The following PCDHA1 variants were observed in gnomAD, a reference collection of about 807,000 sequenced individuals.
The protein encoded by PCDHA1 is protocadherin alpha 1.
A neutral mutation model predicts 61.3 loss-of-function variants in PCDHA1; 42 were observed. The ratio of observed to expected loss-of-function variants is 0.69; its 90% CI spans 0.54 to 0.89. The LOEUF is 0.89. PCDHA1 is among the 40% of genes least tolerant of loss of function. The probability of loss-of-function intolerance (pLI) is 0.00; values close to 1 mark genes in which losing one functional copy is unlikely to be tolerated. For missense variants in PCDHA1, 1,256 were observed against 1,235.3 expected, an observed-to-expected ratio of 1.02 and a Z score of -0.25; for synonymous variants, 610 against 553.8, an observed-to-expected ratio of 1.10 and a Z score of -1.43.
chr5:140,988,560 T>C (rs1184536302), intron 3 of PCDHA1, among the ~76,000 whole-genome samples: 3 of 152,138 alleles, frequency 2.0e-5, no homozygotes, highest in Admixed American at 2.0e-4. Context: ...CATCTTCTTC[T>C]TGGGAAAACA....
rs115903226 is a variant in PCDHA1 at position 140,929,361 on chromosome 5, C to A, written c.2395-49588C>A. 4,899 of 1,519,562 alleles carry A rather than the reference C, an allele frequency of 3.2e-3. 25 individuals carry two copies. The highest frequency in any genetic ancestry group is 0.019 in the African/African-American group (1,394 of 71,916). 94.1% of individuals were successfully genotyped at this position (1,519,562 alleles called of 1,614,324 possible). On this transcript the variant is annotated intron_variant, in intron 1 of 3. Coordinates refer to ENST00000504120, the MANE Select transcript of PCDHA1 (RefSeq NM_018900.4). ...TTTATGGAATTTGATTCCTTTGGCC[C>A]GGAGATGGCTGCTAGCTGTGTTTTG...
rs1251484030 is a variant in PCDHA1, at chr5:140,848,856, G to A, written c.2394+60172G>A. ...GCCGCTGCAGGTTTTCCATGTGGAC[G>A]TGGAGGTGAAGGACATTAACGACAA... On this transcript the variant is annotated intron_variant, in intron 1 of 3. Coordinates refer to ENST00000504120, the MANE Select transcript of PCDHA1 (RefSeq NM_018900.4). 7.5e-6 allele frequency: 12 copies of A among 1,590,572 alleles called. 2 individuals carry two copies. Among genetic ancestry groups the A allele is most frequent in the African/African-American group, 4.1e-5 (3 of 73,826 alleles).
chr5:140,807,163 C>A, intron 1 of PCDHA1: 1 of 1,594,326 alleles, frequency 6.3e-7, no homozygotes, highest in Non-Finnish European at 8.5e-7. Flanking sequence ...GATATTTAAT[C>A]AGAACAAAAT....
chr5:140,857,566 C>G, intron 1 of PCDHA1: 1 of 1,596,798 alleles, frequency 6.3e-7, no homozygotes, highest in South Asian at 1.1e-5. Flanking sequence ...TGTCGAGCTA[C>G]GTGTCGGTGC....
At chr5:140,940,372 AGTT>A (rs2092600737) in intron 1 of PCDHA1, among the ~76,000 whole-genome samples, 1 of 151,970 alleles carries the variant, frequency 6.6e-6, no homozygotes, top group Non-Finnish European at 1.5e-5. Flanking sequence ...GTATTCCTTG[AGTT>A]GTTAATTTTG....
chr5:140,937,717 C>G (rs868958316), intron 1 of PCDHA1, among the ~76,000 whole-genome samples: 34 of 151,858 alleles, frequency 2.2e-4, no homozygotes, highest in African/African-American at 8.2e-4. Flanking sequence ...TCAAGACCAT[C>G]CTGGCTAACA....
At chr5:140,801,482 G>C (rs1554121504) in intron 1 of PCDHA1, 1 of 1,614,142 alleles carries the variant, frequency 6.2e-7, no homozygotes, top group Non-Finnish European at 8.5e-7. Flanking sequence ...GCGAGGAACT[G>C]TGCGGGCGGA....
At chr5:140,861,541 A>C (rs2046969106) in intron 1 of PCDHA1, 1 of 426,724 alleles carries the variant, frequency 2.3e-6, no homozygotes, top group Admixed American at 2.3e-5. Context: ...TGCAGCATCC[A>C]CCTGGAAGTG....
At chr5:140,800,983 A>T (rs568383923) in intron 1 of PCDHA1, 2 of 1,350,980 alleles carry the variant, frequency 1.5e-6, no homozygotes, top group Non-Finnish European at 1.9e-6. Context: ...TACATATTTA[A>T]TACTTACACG....
chr5:140,875,915 TG>T, intron 1 of PCDHA1: 1 of 1,614,214 alleles, frequency 6.2e-7, no homozygotes, highest in Non-Finnish European at 8.5e-7. Context: ...TCTGCGCCTC[TG>T]GACTCTCATT....
Position 140,788,555 on chromosome 5 carries a change from G to A in PCDHA1, c.2265G>A (p.Arg755=). The A allele has an allele frequency of 1.9e-6, 3 of 1,614,132 alleles. No individual in the cohort carries two copies. Among genetic ancestry groups the A allele is most frequent in the South Asian group, 2.2e-5 (2 of 91,074 alleles). Reference sequence around the variant, plus strand: ...GCTGGTCGAACTCACAGCAGAGGCGGCAGAGGGTGTGCTCTAGCGAGGGCC... The same window carrying A: ...GCTGGTCGAACTCACAGCAGAGGCGACAGAGGGTGTGCTCTAGCGAGGGCC... ...LGSWSNSQQR[R]QRVCSSEGPP... is the part of the protein sequence containing the mutation. The change falls in exon 1 of 4, where the codon CGG becomes CGA. Residue 755 remains arginine (R), a synonymous_variant. Coordinates refer to ENST00000504120, the MANE Select transcript of PCDHA1 (RefSeq NM_018900.4).
intron 1 of PCDHA1, chr5:140,828,088 T>G (rs2150150812): frequency 1.3e-6 from 2 of 1,592,494 alleles, no homozygotes; most frequent in Admixed American, 3.5e-5. Context: ...CAGAGGTATT[T>G]GACATGGTGT....
intron 1 of PCDHA1, chr5:140,821,610 A>G (rs1049117332): frequency 1.3e-6 from 1 of 779,694 alleles, no homozygotes; most frequent in African/African-American, 1.7e-5. Context: ...GAATACAGTG[A>G]GTAGATTTTC....
chr5:140,849,320 G>C, intron 1 of PCDHA1: 10 of 1,335,992 alleles, frequency 7.5e-6, no homozygotes, highest in Non-Finnish European at 1.0e-5. Flanking sequence ...GCTTGAATGG[G>C]GATATTATTT....
intron 1 of PCDHA1, chr5:140,967,813 C>T (rs12153295): frequency 0.14 from 229,585 of 1,614,060 alleles, 17,281 homozygotes; most frequent in Middle Eastern, 0.18. Context: ...CAGGTCACTG[C>T]AAGGTGCTGG....
At chr5:140,910,387 T>C (rs540534807) in intron 1 of PCDHA1, among the ~76,000 whole-genome samples, 1 of 152,158 alleles carries the variant, frequency 6.6e-6, no homozygotes, top group Admixed American at 6.6e-5. Context: ...CCTTTGACAG[T>C]TGACTGGCCC....
intron 1 of PCDHA1, among the ~76,000 whole-genome samples, chr5:140,886,068 GC>G (rs1462692271): frequency 5.3e-5 from 8 of 152,098 alleles, no homozygotes; most frequent in African/African-American, 9.7e-5. Context: ...AAAGCGTAGG[GC>G]CATACCACAA....
intron 1 of PCDHA1, chr5:140,795,853 C>T (rs868955001): frequency 2.5e-6 from 4 of 1,613,860 alleles, no homozygotes; most frequent in East Asian, 2.2e-5. Flanking sequence ...TACCATAGAT[C>T]CCATCTCAGG....
chr5:140,792,473 G>A (rs964967654), intron 1 of PCDHA1, among the ~76,000 whole-genome samples: 1 of 152,144 alleles, frequency 6.6e-6, no homozygotes, highest in South Asian at 2.1e-4. Context: ...GTGGGAGGAA[G>A]GATATTTGCT....
Sources: gnomAD v4.1 joint callset for allele counts (sites outside exome capture counted in the v4.1 genomes callset) on GRCh38, gnomAD v4.1.1 for gene constraint, MANE v1.5 for transcripts, NCBI Gene and HGNC (gene_info 2026-07-23, HGNC 2026-07-21) for gene names.